Variants in EVC observed in about 807,000 individuals in gnomAD.
EVC encodes EvC ciliary complex subunit 1, also known as evC complex member EVC.
EVC carries 116 observed loss-of-function variants against 118.9 expected under a neutral mutation model. The observed-to-expected ratio is 0.98, with a 90% CI of 0.84 to 1.14. The LOEUF (loss-of-function observed/expected upper bound fraction) is 1.14. Ranked by LOEUF, EVC falls within the 50% of genes most tolerant of loss-of-function variation. The pLI is 0.00. For missense variants in EVC, 1,401 were observed against 1,246.4 expected (o/e 1.12, Z -1.87); for synonymous variants, 619 against 534.7 (o/e 1.16, Z -2.18).
At chr4:5,724,619 T>C (rs932676028) in intron 2 of EVC, among the ~76,000 whole-genome samples, 5 of 152,112 alleles carry the variant, frequency 3.3e-5, no homozygotes, top group African/African-American at 1.2e-4. Context: ...ATTTTCTCTG[T>C]CTGGAAGTGG....
At chr4:5,725,028 C>T (rs1725591206) in intron 2 of EVC, among the ~76,000 whole-genome samples, 1 of 152,190 alleles carries the variant, frequency 6.6e-6, no homozygotes, top group South Asian at 2.1e-4. Flanking sequence ...CTTCCAGCTC[C>T]ATCTATGCCC....
chr4:5,821,568 G>A, the EVC span: 1 of 593,782 alleles, frequency 1.7e-6, no homozygotes, highest in Non-Finnish European at 3.0e-6. The surrounding 1 kb of genome is among the most constrained non-coding windows in gnomAD (Gnocchi z 4.4). Flanking sequence ...CAACTGTGGG[G>A]CAAGGAATTT....
chr4:5,745,311 G>A lies in EVC; in HGVS notation c.909G>A (p.Glu303=). The change falls in exon 7 of 21, where the codon GAG becomes GAA. Residue 303 remains glutamate (E), a synonymous_variant. Transcript: ENST00000264956. ...CCCTGGCTGATGTGGAAAAGAAGGA[G>A]AGAGAATACTCTGAACAGCTAATCG... ...YITLADVEKK[E]REYSEQLIDN... is the part of the protein sequence containing the mutation. 6.2e-7 allele frequency: 1 copy of A among 1,614,042 alleles called. No homozygotes were observed. The highest frequency in any genetic ancestry group is 2.2e-5 in the East Asian group (1 of 44,868).
chr4:5,761,716 G>C (rs928758430), intron 11 of EVC, among the ~76,000 whole-genome samples: 3 of 151,836 alleles, frequency 2.0e-5, no homozygotes, highest in African/African-American at 7.3e-5. Flanking sequence ...CTTTTGAAAG[G>C]GCGGGTTTCT....
intron 11 of EVC, among the ~76,000 whole-genome samples, chr4:5,769,721 CT>C (rs777288378): frequency 4.6e-5 from 7 of 152,116 alleles, no homozygotes; most frequent in African/African-American, 1.5e-4. Flanking sequence ...TTGAAAGGCT[CT>C]GGGAGAAGGT....
chr4:5,716,325 G>C (rs1456853040), intron 1 of EVC, among the ~76,000 whole-genome samples: 1 of 152,242 alleles, frequency 6.6e-6, no homozygotes, highest in Non-Finnish European at 1.5e-5. Context: ...AAAAGGGCCA[G>C]ACATCTTGAA....
rs557301843 is a variant in EVC at position 5,756,421 on chromosome 4, C to G, written c.1563+59C>G. 2.3e-5 allele frequency: 32 copies of G among 1,421,410 alleles called. 1 individual carries two copies. In the South Asian group the frequency reaches 3.9e-4, roughly 17 times the overall value. 88.0% of individuals were successfully genotyped at this position (1,421,410 alleles called of 1,614,324 possible). A position where few individuals can be genotyped will look rare whatever the true frequency, so the allele number is the denominator to read the frequency against. ...CCCAGGGTCTGTGTGTGTGCGAGAACCTCACATCCTCCTGGCTGGGGACCC... is the reference window on the plus strand; with the variant it reads ...CCCAGGGTCTGTGTGTGTGCGAGAAGCTCACATCCTCCTGGCTGGGGACCC... On this transcript the variant is annotated intron_variant, in intron 11 of 20. Transcript: ENST00000264956. This position sits in a 1 kb window ranked among gnomAD's most constrained non-coding sequence, Gnocchi z 4.2.
chr4:5,810,290 A>G, intron 19 of EVC, 49 bp from the exon 20 acceptor site: 2 of 1,477,876 alleles, frequency 1.4e-6, no homozygotes, highest in South Asian at 2.3e-5. Flanking sequence ...AGAAGTTGTC[A>G]CTTGTCTAAA....
At chr4:5,771,065 CT>C (rs1733874306) in intron 11 of EVC, among the ~76,000 whole-genome samples, 2 of 151,956 alleles carry the variant, frequency 1.3e-5, no homozygotes, top group Admixed American at 1.3e-4. Flanking sequence ...AATTGTCATT[CT>C]GAAGATGTCA....
intron 11 of EVC, among the ~76,000 whole-genome samples, chr4:5,774,993 T>C (rs1290445372): frequency 1.3e-5 from 2 of 152,142 alleles, no homozygotes; most frequent in South Asian, 2.1e-4. Flanking sequence ...CATTTCTTAT[T>C]AGAAGGAGCC....
intron 2 of EVC, among the ~76,000 whole-genome samples, chr4:5,728,116 A>T (rs1577350707): frequency 6.6e-6 from 1 of 152,104 alleles, no homozygotes; most frequent in Non-Finnish European, 1.5e-5. Flanking sequence ...GAAGAAAGTC[A>T]TTGGCTGCTT....
In EVC at chr4:5,738,653, G is replaced by T. The variant is rs1577384626; in HGVS notation, c.703-3063G>T. On this transcript the variant is annotated intron_variant, in intron 5 of 20. Coordinates refer to ENST00000264956, the MANE Select transcript of EVC (RefSeq NM_153717.3). This position sits in a 1 kb window ranked among gnomAD's most constrained non-coding sequence, Gnocchi z 6.5. The stretch of plus-strand genomic sequence containing the variant: ...GAGATCTCAACTCACTGCAAACTTT[G>T]CCTCCCAGATTCAAGTGATTCTCCC... Among the ~76,000 whole-genome samples the T allele has an allele frequency of 6.7e-6, 1 of 148,436 alleles. No individual in the cohort carries two copies. Among genetic ancestry groups the T allele is most frequent in the Non-Finnish European group, 1.5e-5 (1 of 67,186 alleles).
chr4:5,809,452 G>A (rs543488589), intron 18 of EVC, 66 bp from the exon 19 acceptor site: 23 of 1,410,056 alleles, frequency 1.6e-5, no homozygotes, highest in Admixed American at 6.7e-5. Context: ...ATTCACTCAC[G>A]TGGAGAGGGA....
At chr4:5,822,386 A>C in the EVC span, among the ~76,000 whole-genome samples, 1 of 151,280 alleles carries the variant, frequency 6.6e-6, no homozygotes, top group East Asian at 2.0e-4. Flanking sequence ...GGTATTTTAC[A>C]TATTGTGTGT....
chr4:5,783,964 G>A lies in EVC; in HGVS notation c.1776+200G>A, dbSNP rs370010931. 9.2e-5 allele frequency among the ~76,000 whole-genome samples: 14 copies of A among 152,278 alleles called. No individual in the cohort carries two copies. The East Asian group carries it at 1.9e-3, about 21-fold the overall frequency. ...CCCTTATCTCCCTCAACAGGAAGTCGGAGATCATACCTTAAGTTGATCGAT... is the reference window on the plus strand; with the variant it reads ...CCCTTATCTCCCTCAACAGGAAGTCAGAGATCATACCTTAAGTTGATCGAT... On this transcript the variant is annotated intron_variant, in intron 12 of 20. Transcript: ENST00000264956.
Position 5,810,457 on chromosome 4 carries a change from C to T in EVC, c.2894+7C>T. On this transcript the variant is annotated splice_region_variant and intron_variant, in intron 20 of 20. Coordinates refer to ENST00000264956, the MANE Select transcript of EVC (RefSeq NM_153717.3). Reference sequence around the variant, plus strand: ...AGACCTCAGGCTCACTCAGGTATGACTGGGCCCCGGACCTGTTGCCTGTGG... The same window carrying T: ...AGACCTCAGGCTCACTCAGGTATGATTGGGCCCCGGACCTGTTGCCTGTGG... 6.2e-7 allele frequency: 1 copy of T among 1,602,332 alleles called. No homozygotes were observed. Among genetic ancestry groups the T allele is most frequent in the Non-Finnish European group, 8.5e-7 (1 of 1,173,842 alleles).
chr4:5,768,005 A>ATTCG (rs1733229388), intron 11 of EVC, among the ~76,000 whole-genome samples: 1 of 151,440 alleles, frequency 6.6e-6, no homozygotes, highest in South Asian at 2.1e-4. Flanking sequence ...TCATTCATTC[A>ATTCG]TTCGTTCATT....
At chr4:5,759,383 G>A (rs923385927) in intron 11 of EVC, among the ~76,000 whole-genome samples, 30 of 152,250 alleles carry the variant, frequency 2.0e-4, no homozygotes, top group Non-Finnish European at 8.8e-5. Context: ...TGCCTTACGT[G>A]TGGGCTGTGG....
rs767468971 is a variant in EVC, at chr4:5,756,398, C to T, written c.1563+36C>T. 1 of 1,553,942 alleles carries T rather than the reference C, an allele frequency of 6.4e-7. No individual in the cohort carries two copies. The highest frequency in any genetic ancestry group is 8.8e-7 in the Non-Finnish European group (1 of 1,137,520). On this transcript the variant is annotated intron_variant, in intron 11 of 20. Coordinates refer to ENST00000264956, the MANE Select transcript of EVC (RefSeq NM_153717.3). This position sits in a 1 kb window ranked among gnomAD's most constrained non-coding sequence, Gnocchi z 4.2. ...TCTGTGGGGACCAGCAGAGAAGCCC[C>T]AGGGTCTGTGTGTGTGCGAGAACCT...
Sources: allele counts gnomAD v4.1 joint callset (sites outside exome capture counted in the v4.1 genomes callset), GRCh38; gene constraint gnomAD v4.1.1; non-coding constraint Gnocchi (gnomAD v3.1); transcripts MANE v1.5; gene names NCBI Gene and HGNC (gene_info 2026-07-23, HGNC 2026-07-21).